Variants in IFT140 observed in about 807,000 individuals in gnomAD.
The protein encoded by IFT140 is intraflagellar transport 140.
In IFT140, 133 loss-of-function variants were observed where a neutral mutation model predicts 164.6. The ratio of observed to expected loss-of-function variants is 0.81; its 90% CI spans 0.70 to 0.93. IFT140 has a LOEUF of 0.93. Ranked by LOEUF, IFT140 falls within the 40% of genes least tolerant of loss-of-function variation. IFT140 has a pLI of 0.00. For synonymous variants in IFT140, 860 were observed against 817.3 expected, an observed-to-expected ratio of 1.05 and a Z score of -0.89; for missense variants, 2,045 against 1,972.3, an observed-to-expected ratio of 1.04 and a Z score of -0.70.
intron 19 of IFT140, chr16:1,534,390 C>T (rs367572920): frequency 1.1e-5 from 18 of 1,612,578 alleles, no homozygotes; most frequent in African/African-American, 1.1e-4. Flanking sequence ...GGAGGATGGG[C>T]GCAGGCGCAG....
At chr16:1,559,413 C>T (rs1445054693) in intron 18 of IFT140, among the ~76,000 whole-genome samples, 1 of 152,114 alleles carries the variant, frequency 6.6e-6, no homozygotes, top group Non-Finnish European at 1.5e-5. Flanking sequence ...ACCAGTCACA[C>T]GGTGCAGAGG....
intron 14 of IFT140, 145 bp downstream of exon 14, chr16:1,571,262 G>A (rs1467796229): frequency 1.4e-6 from 1 of 724,130 alleles, no homozygotes; most frequent in Non-Finnish European, 2.2e-6. Flanking sequence ...GCCCCAACAT[G>A]AGGCATTCGA....
chr16:1,525,433 C>T (rs899614792), intron 21 of IFT140, 107 bp from the exon 22 acceptor site: 73 of 829,098 alleles, frequency 8.8e-5, no homozygotes, highest in South Asian at 2.1e-4. Flanking sequence ...CGGTGGCCCT[C>T]GGGGTGTGTG....
At chr16:1,602,333 A>G in intron 4 of IFT140, 37 bp downstream of exon 4, 1 of 1,572,686 alleles carries the variant, frequency 6.4e-7, no homozygotes, top group Non-Finnish European at 8.7e-7. Context: ...AGAAAGGGTC[A>G]AGGTCTGAAA....
chr16:1,563,511 T>C (rs2033540837), intron 17 of IFT140, among the ~76,000 whole-genome samples: 1 of 151,732 alleles, frequency 6.6e-6, no homozygotes, highest in Non-Finnish European at 1.5e-5. Flanking sequence ...ATGTAGCAGT[T>C]GAGACAAGAG....
chr16:1,543,139 A>G (rs371803531), intron 19 of IFT140, among the ~76,000 whole-genome samples: 37 of 152,350 alleles, frequency 2.4e-4, no homozygotes, highest in East Asian at 1.7e-3. Context: ...GACACAGAGA[A>G]AGCGAGCATG....
rs1480466865 is a variant in IFT140 at position 1,531,511 on chromosome 16, C to G, written c.2400-4715G>C. ...AGGGGGCAGTGGGACTCCACCGTGA[C>G]CAAGACCCCAAGCAACAGGGAGAGC... On this transcript the variant is annotated intron_variant, in intron 19 of 30. Coordinates refer to ENST00000426508, the MANE Select transcript of IFT140 (RefSeq NM_014714.4). The surrounding 1 kb of genome is among the most constrained non-coding windows in gnomAD (Gnocchi z 4.7). 1 of 152,396 alleles carries G rather than the reference C, an allele frequency of 6.6e-6. No individual in the cohort carries two copies. The highest frequency in any genetic ancestry group is 1.5e-5 in the Non-Finnish European group (1 of 68,202). The allele number at this position is 152,396 out of a possible 1,614,324, so 9.4% of individuals were successfully genotyped here.
In IFT140 at chr16:1,584,199, G is replaced by A. The variant is rs761464280; in HGVS notation, c.1359+18C>T. On this transcript the variant is annotated intron_variant, in intron 11 of 30. Coordinates refer to ENST00000426508, the MANE Select transcript of IFT140 (RefSeq NM_014714.4). ...TTCTTCTGTCTGTGTCCCACCCACGGGTCCCCTCGGCAGTCACCTTGGTGG... is the reference window on the plus strand; with the variant it reads ...TTCTTCTGTCTGTGTCCCACCCACGAGTCCCCTCGGCAGTCACCTTGGTGG... 6.2e-6 allele frequency: 10 copies of A among 1,607,836 alleles called. No homozygotes were observed. The South Asian group carries it at 1.1e-4, about 18-fold the overall frequency.
intron 13 of IFT140, among the ~76,000 whole-genome samples, chr16:1,572,879 G>C (rs868491218): frequency 6.6e-6 from 1 of 152,216 alleles, no homozygotes; most frequent in African/African-American, 2.4e-5. Flanking sequence ...GGCACTCCAC[G>C]TGGGGGCAGC....
intron 25 of IFT140, 26 bp from the exon 26 acceptor site, chr16:1,523,726 G>A: frequency 6.2e-7 from 1 of 1,608,066 alleles, no homozygotes. Context: ...GCTCTGAGCA[G>A]CTGCCCGAGG....
intron 13 of IFT140, chr16:1,577,585 A>G (rs1242929163): frequency 1.3e-5 from 2 of 152,172 alleles, no homozygotes; most frequent in Non-Finnish European, 1.5e-5. Flanking sequence ...TGTCCTTAAG[A>G]ACACAGCCTG....
intron 29 of IFT140, among the ~76,000 whole-genome samples, chr16:1,518,999 C>T (rs982407688): frequency 6.6e-6 from 1 of 152,168 alleles, no homozygotes; most frequent in African/African-American, 2.4e-5. Context: ...TGACCCCTGG[C>T]CCATAGAAGG....
intron 14 of IFT140, among the ~76,000 whole-genome samples, chr16:1,570,962 G>T (rs2141627490): frequency 6.6e-6 from 1 of 152,230 alleles, no homozygotes; most frequent in South Asian, 2.1e-4. Flanking sequence ...TTGCTATGTT[G>T]CCCAGGTTGG....
intron 19 of IFT140, among the ~76,000 whole-genome samples, chr16:1,543,219 A>G (rs906250538): frequency 6.6e-6 from 1 of 152,268 alleles, no homozygotes; most frequent in Non-Finnish European, 1.5e-5. Context: ...AGGCCGGTGC[A>G]GCGTTCTGCA....
rs2032754254 is a variant in IFT140, at chr16:1,552,662, T to TTC, written c.2399+5272_2399+5273insGA. 2.0e-5 allele frequency among the ~76,000 whole-genome samples: 3 copies of TTC among 151,206 alleles called. No homozygotes were observed. In the South Asian group the frequency reaches 6.3e-4, roughly 32 times the overall value. ...CAAAGAGAATGCTTTTTTTTTTTTT[T>TTC]TTTTGAAATGGAGTCTCGCTCTGTC... On this transcript the variant is annotated intron_variant, in intron 19 of 30. Coordinates refer to ENST00000426508, the MANE Select transcript of IFT140 (RefSeq NM_014714.4).
In IFT140 at chr16:1,514,750, A is replaced by G. The variant is rs9937659; in HGVS notation, c.4182+3466T>C. 111 of 152,340 alleles carry G rather than the reference A, an allele frequency of 7.3e-4. 2 individuals are homozygous for G. Among genetic ancestry groups the G allele is most frequent in the African/African-American group, 2.3e-3 (94 of 41,580 alleles). The allele number at this position is 152,340 out of a possible 1,614,324, so 9.4% of individuals were successfully genotyped here. A position where few individuals can be genotyped will look rare whatever the true frequency, so the allele number is the denominator to read the frequency against. On this transcript the variant is annotated intron_variant, in intron 30 of 30. Coordinates refer to ENST00000426508, the MANE Select transcript of IFT140 (RefSeq NM_014714.4). The stretch of plus-strand genomic sequence containing the variant: ...ACAAAAAAATGACTAGACATAAGAA[A>G]CAGGAAAATTTGACCCATACTCAAA...
intron 19 of IFT140, 139 bp from the exon 20 acceptor site, chr16:1,526,935 C>T: frequency 1.0e-6 from 1 of 953,810 alleles, no homozygotes; most frequent in Non-Finnish European, 1.5e-6. Flanking sequence ...CCCATCGGCT[C>T]CGCCCCTGGG....
At position 1,553,454 on chromosome 16, in the gene IFT140, G is replaced by A; in HGVS notation, c.2399+4481C>T. ...GAGACCGGCATGAACAGACGCACAG[G>A]TGTCAACATGCAGGCCAGGCGGAGG... On this transcript the variant is annotated intron_variant, in intron 19 of 30. Transcript: ENST00000426508. This position sits in a 1 kb window ranked among gnomAD's most constrained non-coding sequence, Gnocchi z 4.4. 1 of 985,456 alleles carries A rather than the reference G, an allele frequency of 1.0e-6. No individual in the cohort carries two copies. The highest frequency in any genetic ancestry group is 1.2e-6 in the Non-Finnish European group (1 of 829,940). The allele number at this position is 985,456 out of a possible 1,614,324, so 61.0% of individuals were successfully genotyped here.
intron 13 of IFT140, among the ~76,000 whole-genome samples, chr16:1,576,033 C>T (rs1422019729): frequency 6.6e-6 from 1 of 152,178 alleles, no homozygotes; most frequent in Non-Finnish European, 1.5e-5. Flanking sequence ...CACCTGTAAT[C>T]CCAGCACTTT....
Sources: allele counts gnomAD v4.1 joint callset (sites outside exome capture counted in the v4.1 genomes callset), GRCh38; gene constraint gnomAD v4.1.1; non-coding constraint Gnocchi (gnomAD v3.1); transcripts MANE v1.5; gene names NCBI Gene and HGNC (gene_info 2026-07-23, HGNC 2026-07-21).